ANO4: variants seen among roughly 807,000 people sequenced by gnomAD.
The protein encoded by ANO4 is anoctamin 4, also known as anoctamin-4.
In ANO4, 69 loss-of-function variants were observed where a neutral mutation model predicts 141.9. The ratio of observed to expected loss-of-function variants is 0.49; its 90% confidence interval spans 0.40 to 0.59. ANO4 has a LOEUF of 0.59. Ranked by LOEUF, ANO4 falls within the 20% of genes least tolerant of loss-of-function variation. The probability of loss-of-function intolerance (pLI) is 0.00; values close to 1 mark genes in which losing one functional copy is unlikely to be tolerated. For missense variants in ANO4, 894 were observed against 1,162.2 expected, an observed-to-expected ratio of 0.77 and a Z score of 3.36; for synonymous variants, 350 against 394.3, an observed-to-expected ratio of 0.89 and a Z score of 1.33.
At chr12:101,114,683 G>A (rs1225881825) in intron 24 of ANO4, among the ~76,000 whole-genome samples, 1 of 151,860 alleles carries the variant, frequency 6.6e-6, no homozygotes, top group African/African-American at 2.4e-5. Flanking sequence ...CCAGTTCCCA[G>A]AACACCTTTC....
intron 14 of ANO4, among the ~76,000 whole-genome samples, chr12:101,074,406 G>A (rs572325171): frequency 4.6e-5 from 7 of 152,244 alleles, no homozygotes; most frequent in Non-Finnish European, 7.4e-5. Flanking sequence ...AAAGCACCCC[G>A]CAATGTTTTA....
Position 101,083,719 on chromosome 12 carries a change from A to G in ANO4, c.1437A>G (p.Lys479=). 2.5e-6 allele frequency: 4 copies of G among 1,609,456 alleles called. No individual in the cohort carries two copies. Among genetic ancestry groups the G allele is most frequent in the Non-Finnish European group, 3.4e-6 (4 of 1,179,018 alleles). Residue 479 remains lysine (K), a synonymous_variant, in exon 16 of 28, where the codon AAA becomes AAG. Coordinates refer to ENST00000392977, the MANE Select transcript of ANO4 (RefSeq NM_001286615.2). ...AGTTTGAAGCCAAGTATTCCAAGAA[A>G]GAGCGGATGAATCCAATTTCTGGAA... The part of the protein sequence containing the change: ...RPQFEAKYSK[K]ERMNPISGKP...
chr12:101,020,780 T>A (rs1275809896), intron 9 of ANO4, among the ~76,000 whole-genome samples: 1 of 152,238 alleles, frequency 6.6e-6, no homozygotes, highest in African/African-American at 2.4e-5. Context: ...TGAGAATGTG[T>A]CCATATTATA....
At chr12:100,917,777 A>G (rs532462172) in intron 2 of ANO4, among the ~76,000 whole-genome samples, 15 of 152,310 alleles carry the variant, frequency 9.8e-5, no homozygotes, top group Admixed American at 5.2e-4. Flanking sequence ...ACAGAAAAAT[A>G]TCTTATATTT....
intron 1 of ANO4, among the ~76,000 whole-genome samples, chr12:100,803,775 T>C (rs1314529971): frequency 2.0e-5 from 3 of 152,130 alleles, no homozygotes; most frequent in Non-Finnish European, 4.4e-5. Flanking sequence ...CTCAGAGTTG[T>C]TATGAGTGAT....
intron 17 of ANO4, among the ~76,000 whole-genome samples, chr12:101,088,216 T>A (rs1005558635): frequency 6.6e-6 from 1 of 152,126 alleles, no homozygotes; most frequent in Non-Finnish European, 1.5e-5. Flanking sequence ...ACCCCAGGAC[T>A]TTTTTTATTT....
chr12:101,104,597 G>A (rs2050337011), intron 22 of ANO4, among the ~76,000 whole-genome samples: 1 of 69,806 alleles, frequency 1.4e-5, no homozygotes, highest in Non-Finnish European at 2.4e-5. Context: ...ATATATATGT[G>A]TGTGTGTGTG....
At chr12:101,083,394 T>C (rs942457821) in intron 15 of ANO4, among the ~76,000 whole-genome samples, 2 of 152,140 alleles carry the variant, frequency 1.3e-5, no homozygotes, top group African/African-American at 4.8e-5. Context: ...ATTCTCAGGG[T>C]GGTTTTTTCT....
At chr12:100,768,892 A>C (rs539712108) in intron 3 of ANO4, among the ~76,000 whole-genome samples, 16 of 152,330 alleles carry the variant, frequency 1.1e-4, no homozygotes, top group African/African-American at 3.6e-4. Flanking sequence ...TTTTTATAAA[A>C]ATCTCAAAGA....
intron 1 of ANO4, among the ~76,000 whole-genome samples, chr12:100,864,171 C>T (rs926200438): frequency 6.6e-6 from 1 of 152,046 alleles, no homozygotes; most frequent in Non-Finnish European, 1.5e-5. Context: ...GTCGTATGCC[C>T]GTACTTGAAC....
chr12:100,749,081 A>C (rs1211752992), intron 3 of ANO4, among the ~76,000 whole-genome samples: 1 of 152,144 alleles, frequency 6.6e-6, no homozygotes, highest in East Asian at 1.9e-4. Flanking sequence ...ATTTGAGTTG[A>C]GGCTATTCAG....
intron 1 of ANO4, among the ~76,000 whole-genome samples, chr12:100,825,698 C>G (rs1157859733): frequency 6.6e-6 from 1 of 152,026 alleles, no homozygotes; most frequent in African/African-American, 2.4e-5. Context: ...AAATTTGGAA[C>G]ACTTAATTAT....
intron 3 of ANO4, among the ~76,000 whole-genome samples, chr12:100,748,191 T>C (rs1353990865): frequency 6.6e-6 from 1 of 152,178 alleles, no homozygotes; most frequent in African/African-American, 2.4e-5. Flanking sequence ...TTAGAAGAGG[T>C]GCCCATTTGA....
intron 1 of ANO4, among the ~76,000 whole-genome samples, chr12:100,811,466 TG>T: frequency 6.6e-6 from 1 of 152,308 alleles, no homozygotes; most frequent in East Asian, 1.9e-4. Flanking sequence ...AAGTTTTTTA[TG>T]GCTCCCAGCC....
At chr12:101,035,857 G>A (rs761283083) in intron 9 of ANO4, among the ~76,000 whole-genome samples, 3 of 152,156 alleles carry the variant, frequency 2.0e-5, no homozygotes, top group Non-Finnish European at 4.4e-5. Context: ...ACTTGAGGGT[G>A]GAGGGTGAGA....
chr12:101,001,953 C>T (rs2045662492), intron 8 of ANO4, among the ~76,000 whole-genome samples: 1 of 152,204 alleles, frequency 6.6e-6, no homozygotes, highest in African/African-American at 2.4e-5. Context: ...ACAACACCCA[C>T]ACCATCAGTT....
At chr12:101,052,740 A>C (rs1027249808) in intron 14 of ANO4, among the ~76,000 whole-genome samples, 2 of 134,110 alleles carry the variant, frequency 1.5e-5, no homozygotes, top group African/African-American at 6.6e-5. Flanking sequence ...CATGTTCCAC[A>C]AAAAAATGGT....
intron 8 of ANO4, among the ~76,000 whole-genome samples, chr12:100,995,587 A>C (rs539163375): frequency 1.6e-4 from 24 of 152,242 alleles, no homozygotes; most frequent in African/African-American, 5.1e-4. Flanking sequence ...AATACATGCC[A>C]CATATAACTC....
intron 8 of ANO4, among the ~76,000 whole-genome samples, chr12:101,009,925 G>A (rs1281761669): frequency 6.6e-6 from 1 of 151,900 alleles, no homozygotes; most frequent in Non-Finnish European, 1.5e-5. Flanking sequence ...TTTGCTCTGG[G>A]AGAATTCTTC....
Sources: allele counts gnomAD v4.1 joint callset (sites outside exome capture counted in the v4.1 genomes callset), GRCh38; gene constraint gnomAD v4.1.1; transcripts MANE v1.5; gene names NCBI Gene and HGNC (gene_info 2026-07-23, HGNC 2026-07-21).